Variants in FHIT observed in about 807,000 individuals in gnomAD.
FHIT encodes bis(5'-adenosyl)-triphosphatase.
Under a neutral mutation model 17.9 loss-of-function variants are expected in FHIT, and 19 were observed. The ratio of observed to expected loss-of-function variants is 1.06; its 90% confidence interval spans 0.74 to 1.56. The LOEUF is 1.56. Among genes scored for constraint, FHIT ranks in the 40% most tolerant of loss-of-function variants. The probability of loss-of-function intolerance (pLI) is 0.00; values close to 1 mark genes in which losing one functional copy is unlikely to be tolerated. For missense variants in FHIT, 248 were observed against 189.2 expected (o/e 1.31, Z -1.82); for synonymous variants, 81 against 69.7 (o/e 1.16, Z -0.81).
chr3:61,231,433 GA>G (rs909617615), intron 1 of FHIT, among the ~76,000 whole-genome samples: 9 of 151,806 alleles, frequency 5.9e-5, no homozygotes, highest in African/African-American at 2.2e-4. Context: ...GTTCAAGGTG[GA>G]GCCATGATCA....
chr3:61,132,284 A>C (rs1416771830), intron 2 of FHIT, among the ~76,000 whole-genome samples: 1 of 152,220 alleles, frequency 6.6e-6, no homozygotes, highest in Non-Finnish European at 1.5e-5. Flanking sequence ...ACCAGTTCTC[A>C]GAAAAGGTCT....
intron 8 of FHIT, among the ~76,000 whole-genome samples, chr3:59,867,821 G>A (rs1702723012): frequency 6.6e-6 from 1 of 151,954 alleles, no homozygotes; most frequent in South Asian, 2.1e-4. Context: ...CTTAGGGTAT[G>A]TACTCCCCAT....
At chr3:60,667,124 G>A (rs2040400485) in intron 4 of FHIT, among the ~76,000 whole-genome samples, 1 of 137,230 alleles carries the variant, frequency 7.3e-6, no homozygotes, top group South Asian at 2.4e-4. Context: ...GGCCACCTCA[G>A]CCTCCCAAAA....
At chr3:60,861,655 A>G (rs2107001331) in intron 3 of FHIT, among the ~76,000 whole-genome samples, 1 of 152,172 alleles carries the variant, frequency 6.6e-6, no homozygotes, top group South Asian at 2.1e-4. Context: ...CTGCAAAAGG[A>G]CTCAAAGTTC....
At chr3:60,922,888 G>A (rs949928454) in intron 3 of FHIT, among the ~76,000 whole-genome samples, 2 of 152,220 alleles carry the variant, frequency 1.3e-5, no homozygotes, top group Non-Finnish European at 2.9e-5. Context: ...GTCAATACAT[G>A]TACAATTAGA....
intron 4 of FHIT, among the ~76,000 whole-genome samples, chr3:60,777,938 C>G (rs1700261937): frequency 6.6e-6 from 1 of 152,150 alleles, no homozygotes; most frequent in Non-Finnish European, 1.5e-5. Flanking sequence ...CATTTAACAG[C>G]CTTCCCAAAG....
In FHIT at chr3:60,987,105, T is replaced by A. The variant is rs147988959; in HGVS notation, c.-111+54942A>T. Among the ~76,000 whole-genome samples, 287 of 152,218 alleles carry A rather than the reference T, an allele frequency of 1.9e-3. 1 individual carries two copies. The highest frequency in any genetic ancestry group is 6.6e-3 in the African/African-American group (274 of 41,518). Reference sequence around the variant, plus strand: ...TGGAATTAAGTCAGTCAAGTTGAAGTGGGGTCTAACATCAAATTGCCTTGA... The same window carrying A: ...TGGAATTAAGTCAGTCAAGTTGAAGAGGGGTCTAACATCAAATTGCCTTGA... On this transcript the variant is annotated intron_variant, in intron 3 of 9. Coordinates refer to ENST00000492590, the MANE Select transcript of FHIT (RefSeq NM_002012.4).
intron 8 of FHIT, among the ~76,000 whole-genome samples, chr3:59,764,073 C>T (rs974349877): frequency 4.6e-5 from 7 of 152,166 alleles, no homozygotes; most frequent in African/African-American, 1.7e-4. Flanking sequence ...CCAGCACTGC[C>T]TCTGAACATG....
chr3:60,290,508 A>G (rs1707932998), intron 5 of FHIT, among the ~76,000 whole-genome samples: 1 of 152,068 alleles, frequency 6.6e-6, no homozygotes, highest in African/African-American at 2.4e-5. Flanking sequence ...AGAAGAACTG[A>G]GTCCTGCCAA....
chr3:61,191,325 G>A (rs2038710477), intron 2 of FHIT, among the ~76,000 whole-genome samples: 1 of 152,112 alleles, frequency 6.6e-6, no homozygotes, highest in Non-Finnish European at 1.5e-5. Flanking sequence ...CTGCTTCACT[G>A]TGTGAGCTGG....
At position 60,605,788 on chromosome 3, in the gene FHIT, T is replaced by C. The variant is rs554533071; in HGVS notation, c.-17-68809A>G. Among the ~76,000 whole-genome samples, 9 of 152,254 alleles carry C rather than the reference T, an allele frequency of 5.9e-5. No homozygotes were observed. The East Asian group carries it at 7.7e-4, about 13-fold the overall frequency. ...CACCTGGTTCTTGCCTATGAGAGTT[T>C]TGAGAAGGATACCTGAAGTAGGGTT... On this transcript the variant is annotated intron_variant, in intron 4 of 9. Transcript: ENST00000492590.
At chr3:59,804,844 G>T (rs903963463) in intron 8 of FHIT, among the ~76,000 whole-genome samples, 1 of 152,138 alleles carries the variant, frequency 6.6e-6, no homozygotes, top group Non-Finnish European at 1.5e-5. Flanking sequence ...GCTGCCCCAC[G>T]GTAGAAAGTG....
At chr3:60,708,646 C>A (rs2041435974) in intron 4 of FHIT, among the ~76,000 whole-genome samples, 1 of 152,084 alleles carries the variant, frequency 6.6e-6, no homozygotes, top group Non-Finnish European at 1.5e-5. Context: ...ACATGAATGG[C>A]CCTAAAATTA....
intron 4 of FHIT, among the ~76,000 whole-genome samples, chr3:60,653,087 T>C (rs2040034046): frequency 6.6e-6 from 1 of 152,154 alleles, no homozygotes; most frequent in Admixed American, 6.5e-5. Context: ...TATTGCCTCA[T>C]TCTTTCACAC....
intron 3 of FHIT, among the ~76,000 whole-genome samples, chr3:60,931,301 A>G (rs1037597305): frequency 6.6e-5 from 10 of 152,216 alleles, no homozygotes; most frequent in African/African-American, 2.4e-4. Context: ...CCAACATGGC[A>G]CATGTATACA....
intron 2 of FHIT, among the ~76,000 whole-genome samples, chr3:61,129,007 A>G (rs1343331746): frequency 6.6e-6 from 1 of 152,198 alleles, no homozygotes; most frequent in Non-Finnish European, 1.5e-5. Flanking sequence ...AAGGAGGGCA[A>G]GCAAGGCATT....
chr3:60,342,293 C>G (rs1029138810), intron 5 of FHIT, among the ~76,000 whole-genome samples: 1 of 152,196 alleles, frequency 6.6e-6, no homozygotes, highest in East Asian at 1.9e-4. Flanking sequence ...GCATATCAGG[C>G]AGCTGATCAC....
chr3:60,629,358 T>A (rs918386819), intron 4 of FHIT, among the ~76,000 whole-genome samples: 1 of 152,176 alleles, frequency 6.6e-6, no homozygotes, highest in Non-Finnish European at 1.5e-5. Flanking sequence ...CTCACATAAG[T>A]GCTTTTGATT....
At chr3:60,716,558 A>G (rs1316427711) in intron 4 of FHIT, among the ~76,000 whole-genome samples, 19 of 152,130 alleles carry the variant, frequency 1.2e-4, no homozygotes, top group Non-Finnish European at 1.5e-5. Flanking sequence ...TCCAATGAAA[A>G]CAATGCCTTC....
Sources: gnomAD v4.1 joint callset for allele counts (sites outside exome capture counted in the v4.1 genomes callset) on GRCh38, gnomAD v4.1.1 for gene constraint, MANE v1.5 for transcripts, NCBI Gene and HGNC (gene_info 2026-07-23, HGNC 2026-07-21) for gene names.